Variants in MTMR14 observed in about 807,000 individuals in gnomAD.
MTMR14 encodes the protein myotubularin related protein 14, also known as phosphatidylinositol-3,5-bisphosphate 3-phosphatase MTMR14.
In MTMR14, 48 loss-of-function variants were observed where a neutral mutation model predicts 86.3. The ratio of observed to expected loss-of-function variants is 0.56; its 90% CI spans 0.44 to 0.71. MTMR14 has a LOEUF of 0.71. Among genes scored for constraint, MTMR14 ranks in the 30% least tolerant of loss-of-function variants. The pLI, the probability that MTMR14 is intolerant of heterozygous loss-of-function variation, is 0.00. For missense variants in MTMR14, 780 were observed against 834.6 expected, an observed-to-expected ratio of 0.93 and a Z score of 0.81; for synonymous variants, 366 against 326.1, an observed-to-expected ratio of 1.12 and a Z score of -1.32.
intron 2 of MTMR14, among the ~76,000 whole-genome samples, chr3:9,660,708 G>A (rs2047881779): frequency 6.6e-6 from 1 of 152,234 alleles, no homozygotes; most frequent in African/African-American, 2.4e-5. Flanking sequence ...GGGTGCATGT[G>A]TACAAGAGGA....
chr3:9,661,929 A>T (rs1313543575), intron 2 of MTMR14, among the ~76,000 whole-genome samples: 1 of 151,982 alleles, frequency 6.6e-6, no homozygotes, highest in Non-Finnish European at 1.5e-5. Context: ...TCTACCAAAA[A>T]TAAAAAAATT....
chr3:9,688,711 A>G lies in MTMR14; in HGVS notation c.1251A>G (p.Pro417=). 6.2e-7 allele frequency: 1 copy of G among 1,614,226 alleles called. No individual in the cohort carries two copies. Among genetic ancestry groups the G allele is most frequent in the African/African-American group, 1.3e-5 (1 of 75,070 alleles). ...ALKTQRRKSL[P]ARDGGFTLED... ...CCATTTCTAGGAGGAAGAGTTTGCCAGCCCGGGATGGAGGCTTCACCCTGG... is the reference window on the plus strand; with the variant it reads ...CCATTTCTAGGAGGAAGAGTTTGCCGGCCCGGGATGGAGGCTTCACCCTGG... The change falls in exon 15 of 19, where the codon CCA becomes CCG. Residue 417 remains proline (P), a synonymous_variant. Coordinates refer to ENST00000296003, the MANE Select transcript of MTMR14 (RefSeq NM_001077525.3).
chr3:9,678,393 G>C (rs1277075201), intron 9 of MTMR14, among the ~76,000 whole-genome samples: 3 of 152,120 alleles, frequency 2.0e-5, no homozygotes, highest in Non-Finnish European at 2.9e-5. Flanking sequence ...TTAAATGTGT[G>C]TTCAGCCAGA....
chr3:9,669,339 C>T (rs1480363086), intron 4 of MTMR14, 93 bp from the exon 5 acceptor site: 3 of 1,311,398 alleles, frequency 2.3e-6, no homozygotes, highest in African/African-American at 2.9e-5. Flanking sequence ...CCAGCCCACC[C>T]TTGGCACTAT....
At position 9,682,039 on chromosome 3, in the gene MTMR14, C is replaced by G. The variant is rs185020084; in HGVS notation, c.898-1139C>G. On this transcript the variant is annotated intron_variant, in intron 9 of 18. Transcript: ENST00000296003. ...TGCAGTCTTCCCCTAGCCCACCTGA[C>G]GCTCACTGGGCTTGGTACAGTGCAG... Among the ~76,000 whole-genome samples the G allele has an allele frequency of 1.2e-4, 18 of 152,342 alleles. No homozygotes were observed. The East Asian group carries it at 2.3e-3, about 20-fold the overall frequency.
chr3:9,669,854 A>T (rs1406116003), intron 5 of MTMR14, among the ~76,000 whole-genome samples: 2 of 152,164 alleles, frequency 1.3e-5, no homozygotes, highest in African/African-American at 4.8e-5. Flanking sequence ...AACCTGCCAG[A>T]TCTCACCCAG....
chr3:9,684,771 GTGT>G, intron 11 of MTMR14, 101 bp downstream of exon 11: 1 of 1,543,874 alleles, frequency 6.5e-7, no homozygotes, highest in Non-Finnish European at 9.0e-7. Flanking sequence ...CAGAGCAGAT[GTGT>G]TTAACCCTGT....
At chr3:9,655,214 A>G (rs1004779420) in intron 2 of MTMR14, among the ~76,000 whole-genome samples, 3 of 151,954 alleles carry the variant, frequency 2.0e-5, no homozygotes, top group African/African-American at 7.3e-5. Flanking sequence ...TAAAATTACA[A>G]AAACTAGCTG....
chr3:9,651,646 C>T (rs1324619224), intron 1 of MTMR14, among the ~76,000 whole-genome samples: 1 of 152,098 alleles, frequency 6.6e-6, no homozygotes, highest in Non-Finnish European at 1.5e-5. Context: ...TGAGATAACT[C>T]ACTACCTTTG....
intron 2 of MTMR14, 197 bp downstream of exon 2, chr3:9,653,966 C>T (rs2047456423): frequency 3.0e-6 from 2 of 672,398 alleles, no homozygotes; most frequent in Admixed American, 2.2e-5. Context: ...TTGGGAGTAA[C>T]AGCCCTTGAT....
At chr3:9,650,886 C>A (rs955881502) in intron 1 of MTMR14, among the ~76,000 whole-genome samples, 9 of 151,146 alleles carry the variant, frequency 6.0e-5, no homozygotes, top group Admixed American at 4.6e-4. Context: ...CTCCCCAGTT[C>A]AAGCAATTCT....
At chr3:9,688,156 A>C (rs1289923760) in intron 14 of MTMR14, among the ~76,000 whole-genome samples, 1 of 152,346 alleles carries the variant, frequency 6.6e-6, no homozygotes, top group East Asian at 1.9e-4. Flanking sequence ...GTGGTCTCTC[A>C]TGACCAAGAA....
At chr3:9,685,276 A>G (rs911117784) in intron 13 of MTMR14, 29 bp downstream of exon 13, 1 of 1,613,664 alleles carries the variant, frequency 6.2e-7, no homozygotes, top group Non-Finnish European at 8.5e-7. Context: ...ACTTGTGGGC[A>G]CAGCTCAGCA....
At chr3:9,663,085 T>C (rs1049128329) in intron 3 of MTMR14, among the ~76,000 whole-genome samples, 3 of 152,186 alleles carry the variant, frequency 2.0e-5, no homozygotes, top group African/African-American at 7.2e-5. Context: ...CTGTGTTTGC[T>C]AGGAGAGCCA....
At chr3:9,686,562 C>T (rs1281367824) in intron 13 of MTMR14, among the ~76,000 whole-genome samples, 3 of 152,192 alleles carry the variant, frequency 2.0e-5, no homozygotes, top group East Asian at 1.9e-4. Flanking sequence ...ACGATTGTGT[C>T]GTCTCCCCAC....
intron 2 of MTMR14, among the ~76,000 whole-genome samples, chr3:9,658,094 C>T (rs894654416): frequency 6.6e-6 from 1 of 152,142 alleles, no homozygotes; most frequent in Non-Finnish European, 1.5e-5. Context: ...CTTTTCACTC[C>T]TTGCAAGGCC....
Position 9,671,078 on chromosome 3 carries a change from C to T in MTMR14, c.585C>T (p.Val195=), listed in dbSNP as rs753192122. ...RSGDTHLFDK[V]RGYDIKLLRY... ...GTGACACGCATCTTTTTGATAAGGTCAGAGGCTATGACATCAAGCTGCTTC... is the reference window on the plus strand; with the variant it reads ...GTGACACGCATCTTTTTGATAAGGTTAGAGGCTATGACATCAAGCTGCTTC... Residue 195 remains valine (V), a synonymous_variant, in exon 6 of 19, where the codon GTC becomes GTT. Transcript: ENST00000296003. 9 of 1,614,026 alleles carry T rather than the reference C, an allele frequency of 5.6e-6. No homozygotes were observed. Among genetic ancestry groups the T allele is most frequent in the African/African-American group, 2.7e-5 (2 of 74,916 alleles).
At chr3:9,679,087 C>G (rs961320224) in intron 9 of MTMR14, among the ~76,000 whole-genome samples, 3 of 152,222 alleles carry the variant, frequency 2.0e-5, no homozygotes, top group African/African-American at 7.2e-5. Context: ...TGTCAGTACC[C>G]TGTTGTCCTG....
At chr3:9,682,957 G>A (rs565444829) in intron 9 of MTMR14, among the ~76,000 whole-genome samples, 22 of 112,812 alleles carry the variant, frequency 2.0e-4, no homozygotes, top group Middle Eastern at 4.5e-3. Context: ...CCCGCCCCCC[G>A]AGTAGGGGGT....
Sources: gnomAD v4.1 joint callset for allele counts (sites outside exome capture counted in the v4.1 genomes callset) on GRCh38, gnomAD v4.1.1 for gene constraint, MANE v1.5 for transcripts, NCBI Gene and HGNC (gene_info 2026-07-23, HGNC 2026-07-21) for gene names.